Variants in SLC35E2B observed in about 807,000 individuals in gnomAD.
SLC35E2B encodes the protein solute carrier family 35, member E2B.
Under a neutral mutation model 32.4 loss-of-function variants are expected in SLC35E2B, and 18 were observed. The ratio of observed to expected loss-of-function variants is 0.56; its 90% CI spans 0.38 to 0.82. SLC35E2B has a LOEUF of 0.82. SLC35E2B is among the 40% of genes least tolerant of loss of function. The probability of loss-of-function intolerance (pLI) is 0.00; values close to 1 mark genes in which losing one functional copy is unlikely to be tolerated. For synonymous variants in SLC35E2B, 132 were observed against 209.1 expected (o/e 0.63, Z 3.18); for missense variants, 263 against 469.5 (o/e 0.56, Z 4.06).
In SLC35E2B at chr1:1,671,601, T is replaced by C. The variant is rs1467781961; in HGVS notation, c.615A>G (p.Pro205=). ...TGLLVNLSLI[P]VMGGLALCTA... is the part of the protein sequence containing the mutation. ...TGCACAGCGCCAGCCCGCCCATGAC[T>C]GGGATGAGGGAGAGGTTGACCAGCA... is the stretch of plus-strand genomic sequence containing the variant. Residue 205 remains proline (P), a synonymous_variant, in exon 6 of 10, where the codon CCA becomes CCG. Transcript: ENST00000617444. 2 of 1,548,006 alleles carry C rather than the reference T, an allele frequency of 1.3e-6. No homozygotes were observed. The highest frequency in any genetic ancestry group is 2.0e-5 in the Admixed American group (1 of 50,552).
intron 5 of SLC35E2B, chr1:1,673,367 TG>T: frequency 4.4e-6 from 2 of 451,156 alleles, no homozygotes; most frequent in Non-Finnish European, 4.5e-6. Flanking sequence ...CTGAAGTTGG[TG>T]GTGGTGAGAA....
intron 2 of SLC35E2B, among the ~76,000 whole-genome samples, chr1:1,679,425 A>AC (rs1030138429): frequency 2.0e-5 from 3 of 152,202 alleles, no homozygotes; most frequent in African/African-American, 7.2e-5. Context: ...AGCCTGTGGG[A>AC]CCCACACAAG....
At chr1:1,668,628 G>A (rs1407973161) in intron 8 of SLC35E2B, among the ~76,000 whole-genome samples, 156 bp from the exon 9 acceptor site, 1 of 152,126 alleles carries the variant, frequency 6.6e-6, no homozygotes, top group African/African-American at 2.4e-5. Context: ...GCTGGACTGT[G>A]CACTCATCCA....
intron 2 of SLC35E2B, among the ~76,000 whole-genome samples, chr1:1,680,214 T>C (rs6695303): frequency 0.45 from 67,607 of 151,274 alleles, 15,353 homozygotes; most frequent in East Asian, 0.56. Flanking sequence ...GGTGGGAGGA[T>C]TGCTTGAACA....
chr1:1,677,529 G>C (rs1228859009), intron 2 of SLC35E2B, among the ~76,000 whole-genome samples: 1 of 148,504 alleles, frequency 6.7e-6, no homozygotes, highest in East Asian at 2.0e-4. Context: ...CCAGGCTGAA[G>C]TGCAGAGGCG....
intron 2 of SLC35E2B, among the ~76,000 whole-genome samples, chr1:1,685,400 G>C (rs551010011): frequency 8.8e-6 from 1 of 113,044 alleles, no homozygotes; most frequent in Non-Finnish European, 1.7e-5. Context: ...GCGACACAGT[G>C]AAACGTTTTC....
rs377620720 is a variant in SLC35E2B, at chr1:1,677,341, G to A, written c.-147-495C>T. 7.7e-4 allele frequency among the ~76,000 whole-genome samples: 116 copies of A among 150,916 alleles called. 6 individuals carry two copies. In the East Asian group the frequency reaches 8.8e-3, roughly 11 times the overall value. On this transcript the variant is annotated intron_variant, in intron 2 of 9. Transcript: ENST00000617444. ...CCTTGCTCTTGAGAGACGGTCTCCT[G>A]GCACACTTGACTGTCGTCCTGGCAG...
chr1:1,666,619 C>T (rs945215677), intron 9 of SLC35E2B, among the ~76,000 whole-genome samples: 20 of 152,232 alleles, frequency 1.3e-4, no homozygotes, highest in Admixed American at 2.0e-4. Context: ...CCGGGCGCAG[C>T]GGCTTAGCCT....
chr1:1,681,582 C>T (rs552386463), intron 2 of SLC35E2B, among the ~76,000 whole-genome samples: 1 of 151,482 alleles, frequency 6.6e-6, no homozygotes, highest in South Asian at 2.1e-4. Context: ...TCTCAGCTCA[C>T]CGTAGCCCCC....
In SLC35E2B at chr1:1,665,287, C is replaced by T. The variant is rs891425583; in HGVS notation, c.*495G>A. On this transcript the variant is annotated 3_prime_UTR_variant, in exon 10 of 10. Coordinates refer to ENST00000617444, the MANE Select transcript of SLC35E2B (RefSeq NM_001290264.2). ...CCACCGTGGCAGCAGGAGACCCTTC[C>T]TTCCAGGGCCCTCTGTCCCCTCCCT... 40 of 297,442 alleles carry T rather than the reference C, an allele frequency of 1.3e-4. No individual in the cohort carries two copies. The highest frequency in any genetic ancestry group is 1.0e-3 in the South Asian group (7 of 6,976). 18.4% of individuals were successfully genotyped at this position (297,442 alleles called of 1,614,324 possible).
chr1:1,686,321 C>CTTTTTTT (rs375495225), intron 2 of SLC35E2B, among the ~76,000 whole-genome samples: 2 of 127,802 alleles, frequency 1.6e-5, no homozygotes, highest in Non-Finnish European at 3.3e-5. Flanking sequence ...CTTTTTTTTT[C>CTTTTTTT]TTTTTTTTTT....
chr1:1,670,090 ATACT>A lies in SLC35E2B; in HGVS notation c.761+4_761+7del, dbSNP rs779583866. On this transcript the variant is annotated splice_donor_5th_base_variant and intron_variant, in intron 7 of 9. Coordinates refer to ENST00000617444, the MANE Select transcript of SLC35E2B (RefSeq NM_001290264.2). Reference sequence around the variant, plus strand: ...GACTTGGAGATTTCACTGACGAATAATACTTACGAGAACCTGTATTTGTCCCCGC... The same window carrying A: ...GACTTGGAGATTTCACTGACGAATAATACGAGAACCTGTATTTGTCCCCGC... 7.1e-6 allele frequency: 11 copies of A among 1,549,654 alleles called. No individual in the cohort carries two copies. The highest frequency in any genetic ancestry group is 8.7e-6 in the Non-Finnish European group (10 of 1,144,902).
At chr1:1,666,526 G>T (rs1389866848) in intron 9 of SLC35E2B, among the ~76,000 whole-genome samples, 2 of 152,138 alleles carry the variant, frequency 1.3e-5, no homozygotes, top group Middle Eastern at 3.2e-3. Flanking sequence ...ACACCCAGAT[G>T]AAATATTTTT....
intron 8 of SLC35E2B, 116 bp from the exon 9 acceptor site, chr1:1,668,588 G>C: frequency 6.3e-7 from 1 of 1,591,484 alleles, no homozygotes; most frequent in South Asian, 1.1e-5. Context: ...CTGCCACTGA[G>C]GACAGCCCTG....
chr1:1,668,253 A>C (rs1343894017), intron 9 of SLC35E2B, 74 bp downstream of exon 9: 8 of 1,512,538 alleles, frequency 5.3e-6, no homozygotes, highest in Non-Finnish European at 6.2e-6. Flanking sequence ...GTCCCTTATA[A>C]AAATACCTAG....
intron 2 of SLC35E2B, among the ~76,000 whole-genome samples, chr1:1,687,272 T>G (rs1557766907): frequency 6.6e-6 from 1 of 152,082 alleles, no homozygotes; most frequent in African/African-American, 2.4e-5. Context: ...CCTTGGTTTC[T>G]AAATATCATT....
rs1488737111 is a variant in SLC35E2B at position 1,692,432 on chromosome 1, C to G, written c.-566+17G>C. The G allele has an allele frequency of 1.0e-6, 1 of 990,792 alleles. No homozygotes were observed. Among genetic ancestry groups the G allele is most frequent in the Admixed American group, 6.1e-5 (1 of 16,290 alleles). 61.4% of individuals were successfully genotyped at this position (990,792 alleles called of 1,614,324 possible). On this transcript the variant is annotated intron_variant, in intron 1 of 9. Transcript: ENST00000617444. ...AGCACCGATCACCGAGCAGAGCACC[C>G]CGCACGCAGAACCCACCGAGAGCCT... is the stretch of plus-strand genomic sequence containing the variant.
chr1:1,680,872 G>A (rs1325552790), intron 2 of SLC35E2B, among the ~76,000 whole-genome samples: 3 of 150,656 alleles, frequency 2.0e-5, no homozygotes, highest in African/African-American at 4.9e-5. Flanking sequence ...GCATAATCTC[G>A]GCTCACTGCA....
At chr1:1,681,520 T>TTTTTGAGA (rs901982966) in intron 2 of SLC35E2B, among the ~76,000 whole-genome samples, 4 of 151,156 alleles carry the variant, frequency 2.6e-5, no homozygotes, top group Admixed American at 1.3e-4. Context: ...TTTCTTTTCT[T>TTTTTGAGA]TTTTGAGAGG....
Sources: allele counts gnomAD v4.1 joint callset (sites outside exome capture counted in the v4.1 genomes callset), GRCh38; gene constraint gnomAD v4.1.1; transcripts MANE v1.5; gene names NCBI Gene and HGNC (gene_info 2026-07-23, HGNC 2026-07-21).